CPED1: variants seen among roughly 807,000 people sequenced by gnomAD.
CPED1 encodes cadherin like and PC-esterase domain containing 1, also known as cadherin-like and PC-esterase domain-containing protein 1.
A neutral mutation model predicts 128.2 loss-of-function variants in CPED1; 114 were observed. That is an observed-to-expected ratio of 0.89 (90% CI 0.76 to 1.04). The LOEUF (loss-of-function observed/expected upper bound fraction) is 1.04, where lower values mean the gene tolerates loss of function less well. Ranked by LOEUF, CPED1 falls within the 50% of genes least tolerant of loss-of-function variation. The pLI is 0.00. For synonymous variants in CPED1, 462 were observed against 426.7 expected (o/e 1.08, Z -1.02); for missense variants, 1,211 against 1,207.1 (o/e 1.00, Z -0.05).
At chr7:121,183,343 G>A (rs1360547719) in intron 16 of CPED1, among the ~76,000 whole-genome samples, 3 of 152,160 alleles carry the variant, frequency 2.0e-5, no homozygotes, top group Non-Finnish European at 4.4e-5. Flanking sequence ...TAGAGTTGGT[G>A]ACAGTTGTCA....
chr7:121,125,400 A>G (rs929399063), intron 8 of CPED1, among the ~76,000 whole-genome samples: 1 of 152,122 alleles, frequency 6.6e-6, no homozygotes, highest in Admixed American at 6.6e-5. Context: ...CTATCAATCC[A>G]TCATCTAGGT....
chr7:121,031,247 T>C (rs1164432834), intron 3 of CPED1, among the ~76,000 whole-genome samples: 1 of 152,236 alleles, frequency 6.6e-6, no homozygotes, highest in African/African-American at 2.4e-5. Context: ...ATTTGAGTTA[T>C]AATACAAAAT....
intron 16 of CPED1, among the ~76,000 whole-genome samples, chr7:121,146,434 A>T (rs10228942): frequency 0.2 from 30,929 of 151,942 alleles, 3,814 homozygotes; most frequent in African/African-American, 0.34. Flanking sequence ...AAACTACAGC[A>T]AACTTAAAAG....
intron 16 of CPED1, among the ~76,000 whole-genome samples, chr7:121,229,251 T>C (rs1373570481): frequency 3.9e-5 from 6 of 152,070 alleles, no homozygotes; most frequent in African/African-American, 1.4e-4. Context: ...TTTGTGAATA[T>C]GATATTTTTA....
At chr7:121,232,684 G>A (rs565638998) in intron 16 of CPED1, among the ~76,000 whole-genome samples, 3 of 152,204 alleles carry the variant, frequency 2.0e-5, no homozygotes, top group South Asian at 2.1e-4. Flanking sequence ...GAATCATCAC[G>A]TTTTGAGAGA....
At chr7:121,079,050 A>G (rs2116127301) in intron 5 of CPED1, among the ~76,000 whole-genome samples, 1 of 152,270 alleles carries the variant, frequency 6.6e-6, no homozygotes, top group South Asian at 2.1e-4. Context: ...GACATCAGCC[A>G]TATTGGATTA....
At chr7:121,217,121 T>G (rs1797777099) in intron 16 of CPED1, among the ~76,000 whole-genome samples, 1 of 151,922 alleles carries the variant, frequency 6.6e-6, no homozygotes, top group African/African-American at 2.4e-5. Context: ...CAGTGCAGTG[T>G]CATGATCATA....
intron 18 of CPED1, among the ~76,000 whole-genome samples, chr7:121,262,980 T>C (rs1232054382): frequency 2.0e-5 from 3 of 152,120 alleles, no homozygotes; most frequent in Non-Finnish European, 4.4e-5. Context: ...AGTTATACTT[T>C]ATTATTTCCA....
chr7:121,180,329 G>A (rs147270717), intron 16 of CPED1, among the ~76,000 whole-genome samples: 3 of 152,060 alleles, frequency 2.0e-5, no homozygotes, highest in Admixed American at 6.6e-5. Context: ...AATGGATTCC[G>A]AAGATTTTAG....
Position 121,100,108 on chromosome 7 carries a change from T to G in CPED1, c.918+14T>G, listed in dbSNP as rs1226182271. 6.2e-7 allele frequency: 1 copy of G among 1,611,772 alleles called. No individual in the cohort carries two copies. The highest frequency in any genetic ancestry group is 8.5e-7 in the Non-Finnish European group (1 of 1,178,794). Reference sequence around the variant, plus strand: ...TTCACTGTCAAGGTAAGCTCTCGGTTGAAGCTATTATTTCACGTAAGTACA... The same window carrying G: ...TTCACTGTCAAGGTAAGCTCTCGGTGGAAGCTATTATTTCACGTAAGTACA... On this transcript the variant is annotated intron_variant, in intron 7 of 22. Coordinates refer to ENST00000310396, the MANE Select transcript of CPED1 (RefSeq NM_024913.5).
At chr7:121,095,832 A>C (rs1172219935) in intron 5 of CPED1, among the ~76,000 whole-genome samples, 2 of 152,148 alleles carry the variant, frequency 1.3e-5, no homozygotes, top group African/African-American at 4.8e-5. Flanking sequence ...TAGCTTCTTT[A>C]ATGTCAAGTG....
At chr7:121,053,165 T>C (rs1003360430) in intron 4 of CPED1, among the ~76,000 whole-genome samples, 1 of 152,248 alleles carries the variant, frequency 6.6e-6, no homozygotes, top group Non-Finnish European at 1.5e-5. Flanking sequence ...GAAATTAATA[T>C]GGATACGAAC....
At chr7:121,006,173 G>A (rs1206282134) in intron 2 of CPED1, among the ~76,000 whole-genome samples, 1 of 152,108 alleles carries the variant, frequency 6.6e-6, no homozygotes, top group African/African-American at 2.4e-5. Context: ...CTGAATTGCT[G>A]AATTAACTTG....
intron 16 of CPED1, among the ~76,000 whole-genome samples, chr7:121,227,989 C>T (rs79474257): frequency 6.6e-6 from 1 of 151,814 alleles, no homozygotes; most frequent in Non-Finnish European, 1.5e-5. Context: ...AGATTTGTCA[C>T]AAAAATCAAC....
At chr7:120,995,861 T>A (rs183658625) in intron 2 of CPED1, among the ~76,000 whole-genome samples, 8 of 152,242 alleles carry the variant, frequency 5.3e-5, no homozygotes, top group Middle Eastern at 3.4e-3. Flanking sequence ...CAGTTTTTTT[T>A]ATTCTTCTTC....
intron 5 of CPED1, among the ~76,000 whole-genome samples, chr7:121,071,889 AC>A (rs1794000243): frequency 6.6e-6 from 1 of 152,082 alleles, no homozygotes; most frequent in South Asian, 2.1e-4. Context: ...CTGCTCAGTA[AC>A]TTTTATCACC....
At chr7:121,216,505 G>C (rs1410680626) in intron 16 of CPED1, among the ~76,000 whole-genome samples, 2 of 151,970 alleles carry the variant, frequency 1.3e-5, no homozygotes, top group Non-Finnish European at 2.9e-5. Flanking sequence ...GAAAGAAGGG[G>C]AGAAAGAATA....
At chr7:121,198,852 C>A (rs1797326436) in intron 16 of CPED1, among the ~76,000 whole-genome samples, 1 of 152,114 alleles carries the variant, frequency 6.6e-6, no homozygotes, top group Non-Finnish European at 1.5e-5. Flanking sequence ...TATTTCTGAG[C>A]CTGTTACACG....
At chr7:121,180,297 A>G (rs554449238) in intron 16 of CPED1, among the ~76,000 whole-genome samples, 84 of 152,126 alleles carry the variant, frequency 5.5e-4, no homozygotes, top group Non-Finnish European at 9.6e-4. Flanking sequence ...CCTTTTTCCT[A>G]TGTTTTAAAA....
Sources: gnomAD v4.1 joint callset for allele counts (sites outside exome capture counted in the v4.1 genomes callset) on GRCh38, gnomAD v4.1.1 for gene constraint, MANE v1.5 for transcripts, NCBI Gene and HGNC (gene_info 2026-07-23, HGNC 2026-07-21) for gene names.